The following LARP6 variants were observed in gnomAD, a reference collection of about 807,000 sequenced individuals.
The protein encoded by LARP6 is La ribonucleoprotein 6, translational regulator.
In LARP6, 18 loss-of-function variants were observed where a neutral mutation model predicts 32.8. That is an observed-to-expected ratio of 0.55 (90% CI 0.38 to 0.81). The LOEUF is 0.81. Among genes scored for constraint, LARP6 ranks in the 40% least tolerant of loss-of-function variants. The probability of loss-of-function intolerance (pLI) is 0.00; values close to 1 mark genes in which losing one functional copy is unlikely to be tolerated. For synonymous variants in LARP6, 289 were observed against 267.2 expected (o/e 1.08, Z -0.80); for missense variants, 598 against 663.1 (o/e 0.90, Z 1.08).
At chr15:70,853,000 T>C (rs1467156690) in intron 1 of LARP6, among the ~76,000 whole-genome samples, 2 of 152,198 alleles carry the variant, frequency 1.3e-5, no homozygotes, top group African/African-American at 2.4e-5. Flanking sequence ...TAAGTGCCTG[T>C]TGGCATCCAC....
At chr15:70,851,321 T>A (rs745866785) in intron 1 of LARP6, 1 of 428,470 alleles carries the variant, frequency 2.3e-6, no homozygotes, top group African/African-American at 2.0e-5. Flanking sequence ...CATAGTACTA[T>A]TTTTTCATAT....
At chr15:70,836,527 G>C (rs141073791) in intron 1 of LARP6, 22 bp from the exon 2 acceptor site, 7 of 1,597,942 alleles carry the variant, frequency 4.4e-6, no homozygotes, top group Non-Finnish European at 6.0e-6. Flanking sequence ...AGGAGACACC[G>C]GGTGTTAGGG....
At chr15:70,843,649 C>CTTTTTTTTTTTTTTTT (rs67996815) in intron 1 of LARP6, among the ~76,000 whole-genome samples, 1 of 80,590 alleles carries the variant, frequency 1.2e-5, no homozygotes, top group African/African-American at 4.5e-5. Context: ...GTTTTGGTGT[C>CTTTTTTTTTTTTTTTT]TTTTTTTTTT....
At chr15:70,833,235 T>C (rs2032088814) in intron 2 of LARP6, 119 bp from the exon 3 acceptor site, 1 of 771,046 alleles carries the variant, frequency 1.3e-6, no homozygotes. Flanking sequence ...TGTATTCTAG[T>C]GTCTAGAATC....
At chr15:70,845,677 C>T (rs1196238470) in intron 1 of LARP6, among the ~76,000 whole-genome samples, 1 of 152,216 alleles carries the variant, frequency 6.6e-6, no homozygotes, top group Non-Finnish European at 1.5e-5. Flanking sequence ...AGTTATACTC[C>T]ACAGCTATTC....
intron 1 of LARP6, chr15:70,848,827 C>G (rs951946523): frequency 1.3e-5 from 2 of 151,818 alleles, no homozygotes; most frequent in African/African-American, 2.4e-5. Flanking sequence ...AAAAGAGAAA[C>G]CTAGAAGATT....
Position 70,832,030 on chromosome 15 carries a change from T to A in LARP6, c.*22A>T. On this transcript the variant is annotated 3_prime_UTR_variant, in exon 3 of 3. Coordinates refer to ENST00000299213, the MANE Select transcript of LARP6 (RefSeq NM_018357.4). The stretch of plus-strand genomic sequence containing the variant: ...AAACGAAGGTGGTTTTCAGTGGAGC[T>A]TGTATTAAAAATAGAAGGTATTTAT... 1 of 1,441,212 alleles carries A rather than the reference T, an allele frequency of 6.9e-7. No individual in the cohort carries two copies. The highest frequency in any genetic ancestry group is 9.2e-7 in the Non-Finnish European group (1 of 1,084,174). The allele number at this position is 1,441,212 out of a possible 1,614,324, so 89.3% of individuals were successfully genotyped here.
intron 1 of LARP6, among the ~76,000 whole-genome samples, chr15:70,844,684 T>A (rs1327798879): frequency 3.3e-5 from 5 of 152,210 alleles, no homozygotes; most frequent in Non-Finnish European, 7.3e-5. Flanking sequence ...TCTTTGTAAT[T>A]TACACACTAA....
At chr15:70,847,571 G>A (rs1198871346) in intron 1 of LARP6, among the ~76,000 whole-genome samples, 5 of 151,922 alleles carry the variant, frequency 3.3e-5, no homozygotes, top group African/African-American at 4.8e-5. Context: ...GTGTTTCATC[G>A]TATTGGCCAG....
chr15:70,837,819 T>C (rs1419795065), intron 1 of LARP6, among the ~76,000 whole-genome samples: 1 of 152,226 alleles, frequency 6.6e-6, no homozygotes, highest in Non-Finnish European at 1.5e-5. Flanking sequence ...GAGTTAAGAT[T>C]GCCTGGGTCC....
chr15:70,830,895 T>G lies in LARP6; in HGVS notation c.*1157A>C, dbSNP rs1322433596. The G allele has an allele frequency of 1.3e-5, 2 of 152,358 alleles. No homozygotes were observed. The highest frequency in any genetic ancestry group is 4.8e-5 in the African/African-American group (2 of 41,590). The allele number at this position is 152,358 out of a possible 1,614,324, so 9.4% of individuals were successfully genotyped here. ...GAGCTAACATTTATGGAGGGCCAGC[T>G]GCATTCCAGACATGGACATCGTAAC... On this transcript the variant is annotated 3_prime_UTR_variant, in exon 3 of 3. Transcript: ENST00000299213.
At chr15:70,849,462 A>T (rs1006935732) in intron 1 of LARP6, 7 of 152,266 alleles carry the variant, frequency 4.6e-5, no homozygotes, top group African/African-American at 1.7e-4. Flanking sequence ...GGCAGAAGTT[A>T]GCTTTCCTAA....
chr15:70,830,416 G>C lies in LARP6; in HGVS notation c.*1636C>G, dbSNP rs1024500366. On this transcript the variant is annotated 3_prime_UTR_variant, in exon 3 of 3. Transcript: ENST00000299213. The stretch of plus-strand genomic sequence containing the variant: ...TGTCTAACCCAATGCCTAGCACGTA[G>C]GAAGGTGCTGAATAAATATTAGCAC... 3.9e-5 allele frequency: 6 copies of C among 152,212 alleles called. No individual in the cohort carries two copies. Among genetic ancestry groups the C allele is most frequent in the Non-Finnish European group, 5.9e-5 (4 of 68,038 alleles). 9.4% of individuals were successfully genotyped at this position (152,212 alleles called of 1,614,324 possible).
At position 70,852,734 on chromosome 15, in the gene LARP6, C is replaced by T. The variant is rs989891604; in HGVS notation, c.200+1155G>A. On this transcript the variant is annotated intron_variant, in intron 1 of 2. Transcript: ENST00000299213. ...TACACTATGGTCCAGCTTTCCTGCCCTACCCTGGTGGGCTGACTTTTCTCC... is the reference window on the plus strand; with the variant it reads ...TACACTATGGTCCAGCTTTCCTGCCTTACCCTGGTGGGCTGACTTTTCTCC... Among the ~76,000 whole-genome samples the T allele has an allele frequency of 6.6e-5, 10 of 152,152 alleles. No homozygotes were observed. In the South Asian group the frequency reaches 8.3e-4, roughly 13 times the overall value.
chr15:70,847,516 C>T (rs969900704), intron 1 of LARP6, among the ~76,000 whole-genome samples: 3 of 151,948 alleles, frequency 2.0e-5, no homozygotes, highest in East Asian at 1.9e-4. Flanking sequence ...ACTACAGGTG[C>T]GCACCACCAT....
At chr15:70,851,488 G>T in intron 1 of LARP6, 1 of 1,384,306 alleles carries the variant, frequency 7.2e-7, no homozygotes. Flanking sequence ...ATATAAGCTA[G>T]GTATTAGGCT....
chr15:70,830,500 A>T lies in LARP6; in HGVS notation c.*1552T>A, dbSNP rs1460878905. The T allele has an allele frequency of 6.6e-6, 1 of 152,224 alleles. No homozygotes were observed. Among genetic ancestry groups the T allele is most frequent in the Non-Finnish European group, 1.5e-5 (1 of 68,044 alleles). The allele number at this position is 152,224 out of a possible 1,614,324, so 9.4% of individuals were successfully genotyped here. A position where few individuals can be genotyped will look rare whatever the true frequency, so the allele number is the denominator to read the frequency against. On this transcript the variant is annotated 3_prime_UTR_variant, in exon 3 of 3. Coordinates refer to ENST00000299213, the MANE Select transcript of LARP6 (RefSeq NM_018357.4). ...GTAAAGATCAGAAATGTTGAGTACC[A>T]CTTAGTGGTTAAACAGTGTGGGCTC...
intron 2 of LARP6, 89 bp from the exon 3 acceptor site, chr15:70,833,205 C>T: frequency 1.0e-6 from 1 of 1,004,028 alleles, no homozygotes; most frequent in Non-Finnish European, 1.5e-6. Flanking sequence ...ACTTCCTTAT[C>T]CCTGTAACAC....
chr15:70,838,912 C>CAAAAAAAAA (rs1555422818), intron 1 of LARP6, among the ~76,000 whole-genome samples: 1 of 102,900 alleles, frequency 9.7e-6, no homozygotes, highest in African/African-American at 4.6e-5. Context: ...CTCAGCCTCA[C>CAAAAAAAAA]AAAAAAAAAA....
Sources: gnomAD v4.1 joint callset for allele counts (sites outside exome capture counted in the v4.1 genomes callset) on GRCh38, gnomAD v4.1.1 for gene constraint, MANE v1.5 for transcripts, NCBI Gene and HGNC (gene_info 2026-07-23, HGNC 2026-07-21) for gene names.